The following CROCC2 variants were observed in gnomAD, a reference collection of about 807,000 sequenced individuals.
The protein encoded by CROCC2 is ciliary rootlet coiled-coil protein 2.
CROCC2 carries 163 observed loss-of-function variants against 177.6 expected under a neutral mutation model. That is an observed-to-expected ratio of 0.92 (90% confidence interval 0.81 to 1.05). CROCC2 has a LOEUF of 1.05. Ranked by LOEUF, CROCC2 falls within the 50% of genes least tolerant of loss-of-function variation. The pLI is 0.00. For missense variants in CROCC2, 1,929 were observed against 1,797.8 expected (o/e 1.07, Z -1.32); for synonymous variants, 904 against 787.3 (o/e 1.15, Z -2.48).
At chr2:240,970,564 G>A (rs371903328) in intron 27 of CROCC2, among the ~76,000 whole-genome samples, 1 of 152,182 alleles carries the variant, frequency 6.6e-6, no homozygotes, top group Non-Finnish European at 1.5e-5. Context: ...CCAGGACAGC[G>A]CCCTGCCCCC....
chr2:240,918,739 C>T lies in CROCC2; in HGVS notation c.92C>T (p.Thr31Ile). The change falls in exon 2 of 32, where the codon ACC (threonine) becomes ATC (isoleucine). Residue 31 changes from threonine to isoleucine, a missense_variant. Around this residue, in one of 3 missense-constraint regions of CROCC2, gnomAD observed 1,397 missense variants for 1,239.9 expected, o/e 1.13. Transcript: ENST00000690015. The surrounding 1 kb of genome is among the most constrained non-coding windows in gnomAD (Gnocchi z 6.3). ...GGTGTCTTTCAGAGACTGGAGGACA[C>T]CATCCTGAGTCCCACAGCCAGCAGG... ...LDTVIQRLED[T>I]ILSPTASRED... is the part of the protein sequence containing the mutation. 1 of 574,610 alleles carries T rather than the reference C, an allele frequency of 1.7e-6. No homozygotes were observed. Among genetic ancestry groups the T allele is most frequent in the Non-Finnish European group, 3.2e-6 (1 of 317,272 alleles). 35.6% of individuals were successfully genotyped at this position (574,610 alleles called of 1,614,324 possible).
rs1465507499 is a variant in CROCC2, at chr2:240,993,311, A to G, written c.*230A>G. 1 of 521,392 alleles carries G rather than the reference A, an allele frequency of 1.9e-6. No homozygotes were observed. Among genetic ancestry groups the G allele is most frequent in the Non-Finnish European group, 3.4e-6 (1 of 290,920 alleles). 32.3% of individuals were successfully genotyped at this position (521,392 alleles called of 1,614,324 possible). A position where few individuals can be genotyped will look rare whatever the true frequency, so the allele number is the denominator to read the frequency against. ...TTTTAATAAATAGTTGAATCAGCGT[A>G]GGAGATGCTATTTTAACTTATTCAA... On this transcript the variant is annotated 3_prime_UTR_variant, in exon 32 of 32. Transcript: ENST00000690015.
At chr2:240,913,384 C>G (rs2059300235) in intron 1 of CROCC2, among the ~76,000 whole-genome samples, 1 of 152,230 alleles carries the variant, frequency 6.6e-6, no homozygotes, top group African/African-American at 2.4e-5. Flanking sequence ...CAGGGATAAA[C>G]AGGAAAGACA....
At position 240,953,600 on chromosome 2, in the gene CROCC2, T is replaced by C. The variant is rs888183766; in HGVS notation, c.2830-2259T>C. Among the ~76,000 whole-genome samples the C allele has an allele frequency of 6.6e-6, 1 of 152,132 alleles. No homozygotes were observed. The highest frequency in any genetic ancestry group is 2.4e-5 in the African/African-American group (1 of 41,432). On this transcript the variant is annotated intron_variant, in intron 18 of 31. Coordinates refer to ENST00000690015, the MANE Select transcript of CROCC2 (RefSeq NM_001351305.2). This position sits in a 1 kb window ranked among gnomAD's most constrained non-coding sequence, Gnocchi z 4.0. ...AGTGAGTTTTCCCAGGACCTCTGCT[T>C]GGCCAGCTGCCCTTTATTCTTGGCG...
At position 240,931,007 on chromosome 2, in the gene CROCC2, A is replaced by C. The variant is rs774400994; in HGVS notation, c.826A>C (p.Asn276His). 1.3e-3 allele frequency: 925 copies of C among 716,386 alleles called. 6 individuals are homozygous for C. Among genetic ancestry groups the C allele is most frequent in the Non-Finnish European group, 1.8e-3 (698 of 384,838 alleles). 44.4% of individuals were successfully genotyped at this position (716,386 alleles called of 1,614,324 possible). A position where few individuals can be genotyped will look rare whatever the true frequency, so the allele number is the denominator to read the frequency against. ...LHTACLNLDS[N>H]LRLSASSTAS... ...CACCGCCTGCCTGAACCTCGACTCC[A>C]ACCTGCGGCTGTCGGCCAGCAGCAC... is the stretch of plus-strand genomic sequence containing the variant. Residue 276 changes from asparagine to histidine, a missense_variant, in exon 7 of 32, where the codon AAC (asparagine) becomes CAC (histidine). Asn to His is a moderately conservative substitution (Grantham distance 68). Transcript: ENST00000690015.
rs761802021 is a variant in CROCC2 at position 240,982,980 on chromosome 2, T to C, written c.4502T>C (p.Leu1501Ser). The C allele has an allele frequency of 7.7e-6, 12 of 1,550,318 alleles. No homozygotes were observed. In the South Asian group the frequency reaches 1.4e-4, roughly 18 times the overall value. ...GKLLEEQLTN[L>S]EHRCQKAEVS... ...CTGCTGGAAGAACAGCTCACCAACT[T>C]GGAGCACAGGTGCCAGAAGGCTGAG... Residue 1501 changes from leucine (L) to serine (S), a missense_variant, in exon 28 of 32, where the codon TTG becomes TCG. Leu to Ser is a moderately radical substitution (Grantham distance 145). Around this residue, in one of 3 missense-constraint regions of CROCC2, gnomAD observed 388 missense variants for 352.7 expected, o/e 1.10. Transcript: ENST00000690015. This position sits in a 1 kb window ranked among gnomAD's most constrained non-coding sequence, Gnocchi z 4.7.
chr2:240,913,795 G>A (rs1440652122), intron 1 of CROCC2, among the ~76,000 whole-genome samples: 1 of 152,276 alleles, frequency 6.6e-6, no homozygotes, highest in African/African-American at 2.4e-5. Flanking sequence ...CAGGCACAGA[G>A]AAGCTCTTTT....
At chr2:240,941,146 A>G (rs750995172) in intron 14 of CROCC2, among the ~76,000 whole-genome samples, 1 of 152,214 alleles carries the variant, frequency 6.6e-6, no homozygotes, top group Non-Finnish European at 1.5e-5. Context: ...AGACTTCTAC[A>G]AGGAAAACTA....
chr2:240,930,155 C>G lies in CROCC2; in HGVS notation c.646-11C>G. ...CCAGCCTGAAGTAGACAGGAGGCCT[C>G]TTGCTTTCAGACCCGGTCAGGGGGC... On this transcript the variant is annotated splice_polypyrimidine_tract_variant and intron_variant, in intron 5 of 31. Coordinates refer to ENST00000690015, the MANE Select transcript of CROCC2 (RefSeq NM_001351305.2). 1 of 543,536 alleles carries G rather than the reference C, an allele frequency of 1.8e-6. No homozygotes were observed. The highest frequency in any genetic ancestry group is 3.0e-5 in the East Asian group (1 of 32,844). 33.7% of individuals were successfully genotyped at this position (543,536 alleles called of 1,614,324 possible).
chr2:240,914,888 G>A (rs2059310111), intron 1 of CROCC2, among the ~76,000 whole-genome samples: 1 of 152,228 alleles, frequency 6.6e-6, no homozygotes, highest in African/African-American at 2.4e-5. Context: ...CGAGGGTGTG[G>A]GGGATTTCCC....
chr2:240,912,983 A>G (rs1000813337), intron 1 of CROCC2, among the ~76,000 whole-genome samples: 1 of 152,176 alleles, frequency 6.6e-6, no homozygotes, highest in African/African-American at 2.4e-5. Flanking sequence ...GCACTGTCAC[A>G]AGCAAGCCAG....
chr2:240,958,217 C>A lies in CROCC2; in HGVS notation c.2944-1084C>A. The A allele has an allele frequency of 8.1e-6, 8 of 982,918 alleles. No homozygotes were observed. Among genetic ancestry groups the A allele is most frequent in the Non-Finnish European group, 8.5e-6 (7 of 827,624 alleles). 60.9% of individuals were successfully genotyped at this position (982,918 alleles called of 1,614,324 possible). On this transcript the variant is annotated intron_variant, in intron 19 of 31. Coordinates refer to ENST00000690015, the MANE Select transcript of CROCC2 (RefSeq NM_001351305.2). The surrounding 1 kb of genome is among the most constrained non-coding windows in gnomAD (Gnocchi z 6.7). ...CCCTAGGCTGAGTCACCACTGCCATCGGGCTCCCAGCCGATGCCCTGTCCC... is the reference window on the plus strand; with the variant it reads ...CCCTAGGCTGAGTCACCACTGCCATAGGGCTCCCAGCCGATGCCCTGTCCC...
At chr2:240,919,890 G>GGCCCCC in intron 2 of CROCC2, 93 bp from the exon 3 acceptor site, 2 of 591,410 alleles carry the variant, frequency 3.4e-6, no homozygotes, top group African/African-American at 1.9e-5. Context: ...GAGCCTGGTG[G>GGCCCCC]CCAGCCCAGG....
intron 20 of CROCC2, among the ~76,000 whole-genome samples, chr2:240,961,055 G>A (rs775422129): frequency 6.6e-6 from 1 of 151,840 alleles, no homozygotes; most frequent in Non-Finnish European, 1.5e-5. Flanking sequence ...AAGGGAGTGG[G>A]GGCTAAAAGC....
In CROCC2 at chr2:240,968,412, C is replaced by T. The variant is rs528657725; in HGVS notation, c.4401+150C>T. On this transcript the variant is annotated intron_variant, in intron 27 of 31. Transcript: ENST00000690015. ...TGGGTGTTCGGGGCTGGAGCCAGCC[C>T]GGTGGGGCCCTGGGGCAGAGGTGCA... 1,377 of 1,067,716 alleles carry T rather than the reference C, an allele frequency of 1.3e-3. 9 individuals carry two copies. Among genetic ancestry groups the T allele is most frequent in the Middle Eastern group, 5.8e-3 (18 of 3,094 alleles). The allele number at this position is 1,067,716 out of a possible 1,614,324, so 66.1% of individuals were successfully genotyped here.
In CROCC2 at chr2:240,964,419, G is replaced by A. The variant is rs781097084; in HGVS notation, c.3306-47G>A. 6 of 1,546,656 alleles carry A rather than the reference G, an allele frequency of 3.9e-6. No homozygotes were observed. In the South Asian group the frequency reaches 6.0e-5, roughly 15 times the overall value. On this transcript the variant is annotated intron_variant, in intron 21 of 31. Transcript: ENST00000690015. ...AGAGACCTGCTGGGCAGCTGTGCTG[G>A]CCCCACCAGGAGGTGCGGGGGCCCC... is the stretch of plus-strand genomic sequence containing the variant.
intron 29 of CROCC2, 41 bp from the exon 30 acceptor site, chr2:240,989,613 C>T: frequency 6.6e-7 from 1 of 1,514,530 alleles, no homozygotes; most frequent in Non-Finnish European, 8.9e-7. Context: ...GTGCGGCCCT[C>T]AGTGAGAGAC....
At chr2:240,991,402 C>A in intron 31 of CROCC2, 124 bp downstream of exon 31, 1 of 793,126 alleles carries the variant, frequency 1.3e-6, no homozygotes, top group Non-Finnish European at 1.9e-6. Context: ...TTGGGAAAAC[C>A]AATGCCTTGT....
intron 19 of CROCC2, chr2:240,956,390 AG>A (rs2059590543): frequency 5.4e-6 from 1 of 183,920 alleles, no homozygotes; most frequent in Non-Finnish European, 1.1e-5. Flanking sequence ...CTTCCAAAGG[AG>A]AAACAACCCG....
Sources: allele counts gnomAD v4.1 joint callset (sites outside exome capture counted in the v4.1 genomes callset), GRCh38; gene constraint gnomAD v4.1.1; regional missense constraint gnomAD v4.1.1; non-coding constraint Gnocchi (gnomAD v3.1); transcripts MANE v1.5; gene names NCBI Gene and HGNC (gene_info 2026-07-23, HGNC 2026-07-21).